PKP4: variants seen among roughly 807,000 people sequenced by gnomAD.
PKP4 encodes plakophilin 4.
PKP4 carries 90 observed loss-of-function variants against 145.1 expected under a neutral mutation model. That is an observed-to-expected ratio of 0.62 (90% CI 0.52 to 0.74). The LOEUF is 0.74. Among genes scored for constraint, PKP4 ranks in the 30% least tolerant of loss-of-function variants. The pLI is 0.00. For synonymous variants in PKP4, 563 were observed against 577.2 expected, an observed-to-expected ratio of 0.98 and a Z score of 0.35; for missense variants, 1,340 against 1,482.7, an observed-to-expected ratio of 0.90 and a Z score of 1.58.
At chr2:158,487,294 G>A (rs919507046) in intron 1 of PKP4, among the ~76,000 whole-genome samples, 2 of 152,124 alleles carry the variant, frequency 1.3e-5, no homozygotes, top group Non-Finnish European at 2.9e-5. Flanking sequence ...GTATAAACCA[G>A]TGTTTCTATA....
chr2:158,492,435 C>T (rs1574083500), intron 1 of PKP4, among the ~76,000 whole-genome samples: 2 of 152,116 alleles, frequency 1.3e-5, no homozygotes, highest in South Asian at 2.1e-4. Flanking sequence ...CTTCTGTCTC[C>T]TCAGATTTTA....
chr2:158,672,211 G>A (rs2057623391), intron 17 of PKP4, among the ~76,000 whole-genome samples: 1 of 152,218 alleles, frequency 6.6e-6, no homozygotes, highest in Admixed American at 6.5e-5. Flanking sequence ...ACCTTCGGAT[G>A]TAACAATATG....
chr2:158,468,803 A>C (rs575117955), intron 1 of PKP4, among the ~76,000 whole-genome samples: 5 of 113,188 alleles, frequency 4.4e-5, no homozygotes, highest in East Asian at 2.5e-4. Flanking sequence ...ACAGGGTCTC[A>C]CTCTGTCACC....
intron 2 of PKP4, among the ~76,000 whole-genome samples, chr2:158,564,531 G>A (rs1466246921): frequency 6.6e-6 from 1 of 152,128 alleles, no homozygotes; most frequent in Non-Finnish European, 1.5e-5. Context: ...AGGGCATGAG[G>A]AATATGGCTT....
chr2:158,662,877 T>C lies in PKP4; in HGVS notation c.2212-20T>C. The C allele has an allele frequency of 6.3e-7, 1 of 1,577,416 alleles. No homozygotes were observed. The highest frequency in any genetic ancestry group is 8.6e-7 in the Non-Finnish European group (1 of 1,162,470). Reference sequence around the variant, plus strand: ...TAATGTGCCGAGTTGTTTTTAATTATACGCCATGCTGGGTTTCAGACGGTG... The same window carrying C: ...TAATGTGCCGAGTTGTTTTTAATTACACGCCATGCTGGGTTTCAGACGGTG... On this transcript the variant is annotated intron_variant, in intron 13 of 21. Transcript: ENST00000389759.
In PKP4 at chr2:158,472,881, G is replaced by A. The variant is rs1224113789; in HGVS notation, c.-6+15663G>A. ...ATTTACAACAGAGTAATGGGACAAC[G>A]TACAGAATGGGAGAAAATATTTGCA... is the stretch of plus-strand genomic sequence containing the variant. On this transcript the variant is annotated intron_variant, in intron 1 of 21. Transcript: ENST00000389759. 2.0e-5 allele frequency among the ~76,000 whole-genome samples: 3 copies of A among 152,066 alleles called. No individual in the cohort carries two copies. The East Asian group carries it at 5.8e-4, about 29-fold the overall frequency.
chr2:158,538,203 T>C (rs542837085), intron 2 of PKP4, among the ~76,000 whole-genome samples: 1 of 152,292 alleles, frequency 6.6e-6, no homozygotes, highest in African/African-American at 2.4e-5. Context: ...CTTACTTAGA[T>C]GGGTCAGAAT....
In PKP4 at chr2:158,463,603, T is replaced by C. The variant is rs551238826; in HGVS notation, c.-6+6385T>C. Among the ~76,000 whole-genome samples, 5 of 152,304 alleles carry C rather than the reference T, an allele frequency of 3.3e-5. No individual in the cohort carries two copies. The South Asian group carries it at 1.0e-3, about 32-fold the overall frequency. On this transcript the variant is annotated intron_variant, in intron 1 of 21. Coordinates refer to ENST00000389759, the MANE Select transcript of PKP4 (RefSeq NM_003628.6). ...GTGTGTGTCCCATGAGCACATCATG[T>C]AACTCTCGTGGGCTTTAGTTTTCTT...
At chr2:158,537,074 C>T (rs2044112836) in intron 2 of PKP4, among the ~76,000 whole-genome samples, 1 of 152,156 alleles carries the variant, frequency 6.6e-6, no homozygotes, top group African/African-American at 2.4e-5. Flanking sequence ...TACTTACTGT[C>T]GATTACTTTG....
chr2:158,552,954 T>C (rs1407658685), intron 2 of PKP4, among the ~76,000 whole-genome samples: 3 of 152,166 alleles, frequency 2.0e-5, no homozygotes, highest in African/African-American at 7.2e-5. Context: ...AAAGATGCGA[T>C]AGCCACAGAG....
chr2:158,572,867 A>C (rs72936986), intron 2 of PKP4, among the ~76,000 whole-genome samples: 30,352 of 152,240 alleles, frequency 0.2, 3,897 homozygotes, highest in Middle Eastern at 0.36. Context: ...TGTCAGTGAG[A>C]ATGTGGAGAA....
intron 11 of PKP4, among the ~76,000 whole-genome samples, chr2:158,652,053 T>G (rs2105954214): frequency 6.6e-6 from 1 of 152,312 alleles, no homozygotes; most frequent in Non-Finnish European, 1.5e-5. Flanking sequence ...AGGAGAATAA[T>G]ATGAGCTGCA....
At chr2:158,582,384 C>T (rs1166578177) in intron 3 of PKP4, among the ~76,000 whole-genome samples, 2 of 152,002 alleles carry the variant, frequency 1.3e-5, no homozygotes, top group Non-Finnish European at 2.9e-5. Flanking sequence ...ATTTGAAACA[C>T]CTTTCAAAAT....
chr2:158,596,049 A>G (rs2049710841), intron 3 of PKP4, among the ~76,000 whole-genome samples: 1 of 151,950 alleles, frequency 6.6e-6, no homozygotes, highest in Admixed American at 6.6e-5. Flanking sequence ...TTAACTTAGA[A>G]ATAGACCTTG....
In PKP4 at chr2:158,680,514, A is replaced by T; in HGVS notation, c.3416A>T (p.Tyr1139Phe). 6.2e-7 allele frequency: 1 copy of T among 1,614,010 alleles called. No homozygotes were observed. The highest frequency in any genetic ancestry group is 8.5e-7 in the Non-Finnish European group (1 of 1,179,862). The change falls in exon 22 of 22, where the codon TAT (tyrosine) becomes TTT (phenylalanine). Residue 1139 changes from tyrosine (Y) to phenylalanine (F), a missense_variant. Tyr to Phe is a conservative substitution (Grantham distance 22). Transcript: ENST00000389759. ...YRLYLQSPHSYEDPYFDDRVH... is the reference protein window; with the variant it reads ...YRLYLQSPHSFEDPYFDDRVH... ...TTGTATTTGCAGTCTCCTCATAGCT[A>T]TGAAGATCCTTATTTTGATGACCGA...
At chr2:158,572,692 G>A (rs750448738) in intron 2 of PKP4, among the ~76,000 whole-genome samples, 12 of 152,272 alleles carry the variant, frequency 7.9e-5, no homozygotes, top group African/African-American at 2.6e-4. Context: ...ATTTTCCCCC[G>A]ATAGTTACGA....
intron 11 of PKP4, among the ~76,000 whole-genome samples, chr2:158,656,913 T>G (rs754041890): frequency 6.6e-6 from 1 of 152,152 alleles, no homozygotes; most frequent in Non-Finnish European, 1.5e-5. Context: ...CAGGCTGGCT[T>G]CTTGGGCCGT....
intron 2 of PKP4, among the ~76,000 whole-genome samples, chr2:158,536,228 C>T (rs1162648449): frequency 2.0e-5 from 3 of 152,108 alleles, no homozygotes; most frequent in Non-Finnish European, 4.4e-5. Context: ...AGACACTAAA[C>T]TTTAAAAACT....
At chr2:158,468,513 A>G (rs1346741518) in intron 1 of PKP4, among the ~76,000 whole-genome samples, 1 of 152,136 alleles carries the variant, frequency 6.6e-6, no homozygotes, top group African/African-American at 2.4e-5. Flanking sequence ...TTATATTTTA[A>G]AATGTAATCA....
Sources: allele counts gnomAD v4.1 joint callset (sites outside exome capture counted in the v4.1 genomes callset), GRCh38; gene constraint gnomAD v4.1.1; transcripts MANE v1.5; gene names NCBI Gene and HGNC (gene_info 2026-07-23, HGNC 2026-07-21).